The following LRP1B variants were observed in gnomAD, a reference collection of about 807,000 sequenced individuals.
The protein encoded by LRP1B is low-density lipoprotein receptor-related protein 1B.
Under a neutral mutation model 556.6 loss-of-function variants are expected in LRP1B, and 217 were observed. The ratio of observed to expected loss-of-function variants is 0.39; its 90% confidence interval spans 0.35 to 0.44. The LOEUF (loss-of-function observed/expected upper bound fraction) is 0.44, where lower values mean the gene tolerates loss of function less well. Among genes scored for constraint, LRP1B ranks in the 20% least tolerant of loss-of-function variants. The pLI is 1.00. For missense variants in LRP1B, 5,053 were observed against 5,620.8 expected (o/e 0.90, Z 3.23); for synonymous variants, 2,047 against 1,865.8 (o/e 1.10, Z -2.50).
At chr2:140,719,600 A>G (rs1238723662) in intron 35 of LRP1B, among the ~76,000 whole-genome samples, 6 of 152,022 alleles carry the variant, frequency 3.9e-5, no homozygotes, top group Non-Finnish European at 8.8e-5. Context: ...ACCATTAAAT[A>G]TTTCATGGAT....
chr2:140,698,636 T>C (rs1320484193), intron 41 of LRP1B, among the ~76,000 whole-genome samples: 1 of 152,028 alleles, frequency 6.6e-6, no homozygotes, highest in Non-Finnish European at 1.5e-5. Flanking sequence ...GTTGTGTAAT[T>C]GGAAAAGAGA....
chr2:140,390,768 T>TCACACACACACACACA (rs70985096), intron 66 of LRP1B, among the ~76,000 whole-genome samples: 15 of 143,684 alleles, frequency 1.0e-4, no homozygotes, highest in African/African-American at 3.1e-4. Context: ...AATAGAAACT[T>TCACACACACACACACA]CACACACACA....
At chr2:140,890,013 G>C in intron 23 of LRP1B, among the ~76,000 whole-genome samples, 1 of 151,978 alleles carries the variant, frequency 6.6e-6, no homozygotes, top group African/African-American at 2.4e-5. Flanking sequence ...GAACCTTAAA[G>C]GCCACAAACA....
intron 35 of LRP1B, among the ~76,000 whole-genome samples, chr2:140,766,938 T>C (rs1689142252): frequency 6.6e-6 from 1 of 150,434 alleles, no homozygotes; most frequent in Non-Finnish European, 1.5e-5. Flanking sequence ...TACCATTCTC[T>C]GAGCACCAAC....
intron 2 of LRP1B, among the ~76,000 whole-genome samples, chr2:141,688,017 A>G (rs1014115716): frequency 2.2e-4 from 33 of 151,530 alleles, no homozygotes; most frequent in Non-Finnish European, 5.9e-5. Context: ...TTTGAAAAAA[A>G]AAAACTCTTA....
chr2:141,889,884 T>A (rs1699230902), intron 1 of LRP1B, among the ~76,000 whole-genome samples: 1 of 152,072 alleles, frequency 6.6e-6, no homozygotes, highest in Non-Finnish European at 1.5e-5. Flanking sequence ...TTGTAGCAGA[T>A]TTCTTTGTTT....
chr2:140,781,251 C>T (rs1345732966), intron 32 of LRP1B, among the ~76,000 whole-genome samples: 2 of 152,172 alleles, frequency 1.3e-5, no homozygotes, highest in Non-Finnish European at 2.9e-5. Context: ...CAGTGTGAAT[C>T]TAAGACCCCA....
At chr2:140,420,190 G>T (rs1685376262) in intron 66 of LRP1B, among the ~76,000 whole-genome samples, 1 of 151,438 alleles carries the variant, frequency 6.6e-6, no homozygotes. Flanking sequence ...GATAAAAAAA[G>T]TGCAATGGTT....
chr2:141,142,921 CTTTTT>C (rs35543111), intron 7 of LRP1B, among the ~76,000 whole-genome samples: 1 of 101,432 alleles, frequency 9.9e-6, no homozygotes. Flanking sequence ...TGTCTGATTA[CTTTTT>C]TTTTTTTTTT....
At chr2:140,548,188 G>A (rs970577012) in intron 43 of LRP1B, among the ~76,000 whole-genome samples, 1 of 152,092 alleles carries the variant, frequency 6.6e-6, no homozygotes, top group Non-Finnish European at 1.5e-5. Flanking sequence ...GAAGAGACGG[G>A]CTTGGAGAGA....
At chr2:140,722,859 T>G (rs1344976728) in intron 35 of LRP1B, among the ~76,000 whole-genome samples, 17 of 152,008 alleles carry the variant, frequency 1.1e-4, no homozygotes, top group Non-Finnish European at 2.9e-5. Context: ...CTGGCTAACA[T>G]GGTGAAACTC....
chr2:141,435,749 G>A (rs1362171071), intron 3 of LRP1B, among the ~76,000 whole-genome samples: 1 of 152,142 alleles, frequency 6.6e-6, no homozygotes, highest in African/African-American at 2.4e-5. Context: ...GGGAGATCAG[G>A]CTCCCAATAT....
chr2:141,368,322 G>A (rs1417293182), intron 3 of LRP1B, among the ~76,000 whole-genome samples: 2 of 152,140 alleles, frequency 1.3e-5, no homozygotes, highest in Non-Finnish European at 2.9e-5. Flanking sequence ...CTTCCTGGAA[G>A]TGTAGTATGA....
chr2:140,894,757 T>A (rs1234228129), intron 23 of LRP1B, among the ~76,000 whole-genome samples: 1 of 152,068 alleles, frequency 6.6e-6, no homozygotes, highest in Non-Finnish European at 1.5e-5. Context: ...GAGAACAGCC[T>A]GGCCAACATG....
rs115285743 is a variant in LRP1B at position 140,568,314 on chromosome 2, C to A, written c.7195-26343G>T. Reference sequence around the variant, plus strand: ...TATCATAAAAAGAACCAAACATAAACCCTGAAACTAATTCCATGAATAAAA... The same window carrying A: ...TATCATAAAAAGAACCAAACATAAAACCTGAAACTAATTCCATGAATAAAA... On this transcript the variant is annotated intron_variant, in intron 43 of 90. Coordinates refer to ENST00000389484, the MANE Select transcript of LRP1B (RefSeq NM_018557.3). 3.7e-3 allele frequency among the ~76,000 whole-genome samples: 554 copies of A among 149,850 alleles called. 3 individuals are homozygous for A. Among genetic ancestry groups the A allele is most frequent in the African/African-American group, 0.013 (523 of 40,856 alleles).
At chr2:140,714,709 C>T (rs1687149458) in intron 37 of LRP1B, among the ~76,000 whole-genome samples, 1 of 152,036 alleles carries the variant, frequency 6.6e-6, no homozygotes, top group Non-Finnish European at 1.5e-5. Flanking sequence ...TAATGATTCA[C>T]AGTGAAGCAA....
chr2:140,399,228 G>C (rs1308425793), intron 66 of LRP1B, among the ~76,000 whole-genome samples: 3 of 143,196 alleles, frequency 2.1e-5, no homozygotes, highest in Non-Finnish European at 4.6e-5. Context: ...CAGGATATTT[G>C]ATATTTTTAA....
At chr2:140,348,976 T>A (rs191347967) in intron 77 of LRP1B, among the ~76,000 whole-genome samples, 18 of 152,168 alleles carry the variant, frequency 1.2e-4, no homozygotes, top group African/African-American at 4.3e-4. Flanking sequence ...AGCTCAGCAA[T>A]CTAGATTCCT....
intron 29 of LRP1B, among the ~76,000 whole-genome samples, chr2:140,844,050 C>A (rs1371845340): frequency 4.6e-5 from 7 of 151,792 alleles, no homozygotes; most frequent in Admixed American, 2.0e-4. Flanking sequence ...CGTACTCAAG[C>A]AATCTTAATT....
Sources: gnomAD v4.1 joint callset for allele counts (sites outside exome capture counted in the v4.1 genomes callset) on GRCh38, gnomAD v4.1.1 for gene constraint, MANE v1.5 for transcripts, NCBI Gene and HGNC (gene_info 2026-07-23, HGNC 2026-07-21) for gene names.